The following UQCC1 variants were observed in gnomAD, a reference collection of about 807,000 sequenced individuals.
UQCC1 encodes bFGF-repressed Zic-binding protein.
In UQCC1, 38 loss-of-function variants were observed where a neutral mutation model predicts 48.0. That is an observed-to-expected ratio of 0.79 (90% CI 0.61 to 1.04). The LOEUF (loss-of-function observed/expected upper bound fraction) is 1.04, where lower values mean the gene tolerates loss of function less well. Ranked by LOEUF, UQCC1 falls within the 50% of genes least tolerant of loss-of-function variation. UQCC1 has a pLI of 0.00. For synonymous variants in UQCC1, 111 were observed against 129.2 expected (o/e 0.86, Z 0.95); for missense variants, 368 against 381.8 (o/e 0.96, Z 0.30).
intron 7 of UQCC1, among the ~76,000 whole-genome samples, chr20:35,338,945 TCA>T (rs1296811433): frequency 2.4e-5 from 3 of 125,412 alleles, no homozygotes; most frequent in African/African-American, 9.8e-5. Context: ...CTGAGCCTCT[TCA>T]CAGACTCAGA....
intron 2 of UQCC1, among the ~76,000 whole-genome samples, chr20:35,388,184 A>AT (rs1459382596): frequency 6.6e-6 from 1 of 151,330 alleles, no homozygotes; most frequent in Non-Finnish European, 1.5e-5. Flanking sequence ...GTTTGACCAC[A>AT]TTGGCCACCC....
At chr20:35,379,151 T>TA (rs1307540252) in intron 4 of UQCC1, among the ~76,000 whole-genome samples, 1 of 152,212 alleles carries the variant, frequency 6.6e-6, no homozygotes, top group Admixed American at 6.5e-5. Flanking sequence ...CATATAAAGG[T>TA]AATTTTTTAA....
At chr20:35,354,468 C>G (rs2061523603) in intron 6 of UQCC1, among the ~76,000 whole-genome samples, 1 of 151,080 alleles carries the variant, frequency 6.6e-6, no homozygotes, top group African/African-American at 2.4e-5. Flanking sequence ...GCAATCTTGG[C>G]TCACTGCAAG....
intron 7 of UQCC1, among the ~76,000 whole-genome samples, chr20:35,323,132 C>T (rs755891435): frequency 6.6e-6 from 1 of 152,222 alleles, no homozygotes; most frequent in Non-Finnish European, 1.5e-5. Flanking sequence ...CAGGCGTGAG[C>T]CACCGCGCCC....
chr20:35,382,263 C>T (rs370054748), intron 3 of UQCC1, among the ~76,000 whole-genome samples: 3 of 151,800 alleles, frequency 2.0e-5, no homozygotes, highest in African/African-American at 4.8e-5. Context: ...CACGCCATCA[C>T]GCCAAGTCAA....
At chr20:35,337,443 T>A (rs2061327486) in intron 7 of UQCC1, among the ~76,000 whole-genome samples, 1 of 152,118 alleles carries the variant, frequency 6.6e-6, no homozygotes, top group South Asian at 2.1e-4. Context: ...CGCCTCGGCC[T>A]CCCAAAGTGC....
At chr20:35,410,350 G>A (rs544677806) in intron 1 of UQCC1, among the ~76,000 whole-genome samples, 1 of 151,666 alleles carries the variant, frequency 6.6e-6, no homozygotes, top group South Asian at 2.1e-4. Flanking sequence ...TGGCCAACAT[G>A]GTGAAACTCC....
chr20:35,314,676 A>G lies in UQCC1; in HGVS notation c.651+12T>C. 1 of 1,598,682 alleles carries G rather than the reference A, an allele frequency of 6.3e-7. No homozygotes were observed. The highest frequency in any genetic ancestry group is 1.1e-5 in the South Asian group (1 of 89,394). On this transcript the variant is annotated intron_variant, in intron 8 of 9. Coordinates refer to ENST00000374385, the MANE Select transcript of UQCC1 (RefSeq NM_018244.5). The stretch of plus-strand genomic sequence containing the variant: ...GCCACCGTCCTGCCTAAGCCTTGGC[A>G]AACAATCTTACCTCATCATATCCCA...
At chr20:35,370,581 G>A (rs2146451191) in intron 5 of UQCC1, among the ~76,000 whole-genome samples, 1 of 152,306 alleles carries the variant, frequency 6.6e-6, no homozygotes, top group African/African-American at 2.4e-5. Flanking sequence ...AAATGAACAT[G>A]CTATAGGTCT....
chr20:35,315,631 G>A lies in UQCC1; in HGVS notation c.574-866C>T, dbSNP rs577390697. Among the ~76,000 whole-genome samples, 159 of 152,352 alleles carry A rather than the reference G, an allele frequency of 1.0e-3. 1 individual carries two copies. Among genetic ancestry groups the A allele is most frequent in the Middle Eastern group, 3.4e-3 (1 of 294 alleles). The stretch of plus-strand genomic sequence containing the variant: ...TTTGGCTGGGCAGTGGTTCATGCCT[G>A]TAATCCCAGCACTTTGGGAGGCCAA... On this transcript the variant is annotated intron_variant, in intron 7 of 9. Transcript: ENST00000374385.
chr20:35,383,476 G>T (rs1045931041), intron 3 of UQCC1, among the ~76,000 whole-genome samples: 1 of 152,094 alleles, frequency 6.6e-6, no homozygotes, highest in Non-Finnish European at 1.5e-5. Flanking sequence ...TTGGGAGGCC[G>T]AGGTGGGAGG....
intron 1 of UQCC1, among the ~76,000 whole-genome samples, chr20:35,404,715 T>C (rs565022893): frequency 6.6e-6 from 1 of 150,376 alleles, no homozygotes; most frequent in East Asian, 1.9e-4. Flanking sequence ...GAACTGGCAT[T>C]ATTCAACCTG....
intron 7 of UQCC1, among the ~76,000 whole-genome samples, chr20:35,337,259 G>A (rs552436024): frequency 6.6e-6 from 1 of 151,898 alleles, no homozygotes; most frequent in Non-Finnish European, 1.5e-5. Context: ...CACAGTCTAG[G>A]CTCACTGCAA....
chr20:35,403,118 G>T (rs2062193153), intron 1 of UQCC1, among the ~76,000 whole-genome samples: 1 of 151,818 alleles, frequency 6.6e-6, no homozygotes, highest in African/African-American at 2.4e-5. Flanking sequence ...ACTTTTTTGG[G>T]AGTTTTCAAT....
chr20:35,371,846 C>A (rs1295734065), intron 5 of UQCC1, among the ~76,000 whole-genome samples: 1 of 150,878 alleles, frequency 6.6e-6, no homozygotes, highest in Non-Finnish European at 1.5e-5. Flanking sequence ...CCTGTCTCTA[C>A]AAAAAATAAA....
intron 5 of UQCC1, among the ~76,000 whole-genome samples, chr20:35,370,234 CTTTT>C (rs200297507): frequency 3.2e-5 from 4 of 125,110 alleles, no homozygotes; most frequent in East Asian, 2.0e-4. Flanking sequence ...TCTCTTGTTT[CTTTT>C]TTTTTTTTTT....
chr20:35,390,971 G>A (rs1271509590), intron 2 of UQCC1, among the ~76,000 whole-genome samples: 4 of 152,040 alleles, frequency 2.6e-5, no homozygotes, highest in South Asian at 4.2e-4. Flanking sequence ...CGAGGTGGGC[G>A]GATCACCTCG....
At chr20:35,326,856 A>G (rs1464779913) in intron 7 of UQCC1, among the ~76,000 whole-genome samples, 1 of 152,196 alleles carries the variant, frequency 6.6e-6, no homozygotes, top group African/African-American at 2.4e-5. Flanking sequence ...ATCACTACCA[A>G]CCATGTCAAC....
intron 7 of UQCC1, among the ~76,000 whole-genome samples, chr20:35,333,398 G>A (rs984763703): frequency 6.6e-6 from 1 of 152,178 alleles, no homozygotes; most frequent in Admixed American, 6.5e-5. Flanking sequence ...GAGAAGAAAG[G>A]GGATAATGAA....
Sources: gnomAD v4.1 joint callset for allele counts (sites outside exome capture counted in the v4.1 genomes callset) on GRCh38, gnomAD v4.1.1 for gene constraint, MANE v1.5 for transcripts, NCBI Gene and HGNC (gene_info 2026-07-23, HGNC 2026-07-21) for gene names.